NR3C1: variants seen among roughly 807,000 people sequenced by gnomAD.
NR3C1 encodes glucocorticoid receptor.
A neutral mutation model predicts 74.0 loss-of-function variants in NR3C1; 14 were observed. That is an observed-to-expected ratio of 0.19 (90% confidence interval 0.12 to 0.30). The LOEUF is 0.30. NR3C1 is among the 10% of genes least tolerant of loss of function. The pLI, the probability that NR3C1 is intolerant of heterozygous loss-of-function variation, is 1.00. For missense variants in NR3C1, 695 were observed against 909.8 expected, an observed-to-expected ratio of 0.76 and a Z score of 3.04; for synonymous variants, 308 against 332.5, an observed-to-expected ratio of 0.93 and a Z score of 0.80.
In NR3C1 at chr5:143,384,703, A is replaced by G. The variant is rs568662052; in HGVS notation, c.1184+14953T>C. Among the ~76,000 whole-genome samples, 12 of 152,342 alleles carry G rather than the reference A, an allele frequency of 7.9e-5. 2 individuals are homozygous for G. In the South Asian group the frequency reaches 2.5e-3, roughly 32 times the overall value. On this transcript the variant is annotated intron_variant, in intron 2 of 8. Coordinates refer to ENST00000394464, the MANE Select transcript of NR3C1 (RefSeq NM_000176.3). ...AAGGGGTGAGCTCCCAAGGCCTTGG[A>G]CAGCTCTGCCCTGGTGGCTCTGCTG...
At chr5:143,287,954 A>G (rs1814873235) in intron 7 of NR3C1, among the ~76,000 whole-genome samples, 1 of 152,192 alleles carries the variant, frequency 6.6e-6, no homozygotes, top group Non-Finnish European at 1.5e-5. Context: ...AACAGGGACT[A>G]TATGGCCTAC....
intron 2 of NR3C1, among the ~76,000 whole-genome samples, chr5:143,376,465 CTCA>C (rs1399081285): frequency 1.3e-5 from 2 of 152,200 alleles, no homozygotes; most frequent in East Asian, 1.9e-4. Flanking sequence ...TCTCTCTAAG[CTCA>C]TGATAGACCT....
intron 2 of NR3C1, among the ~76,000 whole-genome samples, chr5:143,335,981 C>T (rs1015068931): frequency 1.1e-4 from 16 of 152,196 alleles, no homozygotes; most frequent in Non-Finnish European, 2.2e-4. Flanking sequence ...TCCCCATATT[C>T]GCTTCTAACA....
Position 143,300,679 on chromosome 5 carries a change from T to C in NR3C1, c.1553A>G (p.Lys518Arg), listed in dbSNP as rs1194633956. Residue 518 changes from lysine (K) to arginine (R), a missense_variant, in exon 5 of 9, where the codon AAA (lysine) becomes AGA (arginine). Physicochemically the swap from Lys to Arg is conservative, Grantham distance 26. Around this residue, in one of 4 missense-constraint regions of NR3C1, gnomAD observed 42 missense variants for 49.3 expected, o/e 0.85. Coordinates refer to ENST00000394464, the MANE Select transcript of NR3C1 (RefSeq NM_000176.3). The surrounding 1 kb of genome is among the most constrained non-coding windows in gnomAD (Gnocchi z 5.2). The part of the protein sequence containing the change: ...SQETSENPGN[K>R]TIVPATLPQL... ...TGGTAACGTTGCAGGAACTATTGTT[T>C]TGTTACCAGGATTTTCAGAGGTTTC... is the stretch of plus-strand genomic sequence containing the variant. 1.9e-6 allele frequency: 3 copies of C among 1,614,048 alleles called. No homozygotes were observed. Among genetic ancestry groups the C allele is most frequent in the Non-Finnish European group, 2.5e-6 (3 of 1,180,024 alleles).
At chr5:143,412,550 A>G (rs895471595) in intron 1 of NR3C1, among the ~76,000 whole-genome samples, 2 of 152,042 alleles carry the variant, frequency 1.3e-5, no homozygotes, top group Non-Finnish European at 2.9e-5. Flanking sequence ...TTGCTATGCC[A>G]TAAAGAAGGA....
chr5:143,287,672 T>C (rs1460304162), intron 7 of NR3C1, among the ~76,000 whole-genome samples: 1 of 152,162 alleles, frequency 6.6e-6, no homozygotes, highest in Admixed American at 6.5e-5. Flanking sequence ...ACTACCCTGG[T>C]AGCAAAGCCA....
chr5:143,375,316 A>G (rs140446361), intron 2 of NR3C1, among the ~76,000 whole-genome samples: 1 of 152,350 alleles, frequency 6.6e-6, no homozygotes, highest in Non-Finnish European at 1.5e-5. Flanking sequence ...AAAAATCTGA[A>G]ATAGCCAAGG....
At chr5:143,290,197 G>A (rs544533032) in intron 7 of NR3C1, among the ~76,000 whole-genome samples, 2 of 152,276 alleles carry the variant, frequency 1.3e-5, no homozygotes, top group East Asian at 1.9e-4. Flanking sequence ...TAGCTCCTTC[G>A]GTTTTGTTTT....
At chr5:143,340,269 T>A (rs370563087) in intron 2 of NR3C1, among the ~76,000 whole-genome samples, 1 of 152,090 alleles carries the variant, frequency 6.6e-6, no homozygotes, top group Non-Finnish European at 1.5e-5. Flanking sequence ...AGACTCAATA[T>A]AGACTCAATC....
intron 2 of NR3C1, among the ~76,000 whole-genome samples, chr5:143,316,362 C>T (rs1040002990): frequency 2.0e-5 from 3 of 152,114 alleles, no homozygotes; most frequent in Admixed American, 6.5e-5. Flanking sequence ...TTACAGAAAA[C>T]GAGTGCATTG....
intron 4 of NR3C1, among the ~76,000 whole-genome samples, chr5:143,307,715 A>G (rs1200225432): frequency 1.3e-5 from 2 of 152,350 alleles, no homozygotes; most frequent in South Asian, 2.1e-4. Context: ...AAATAAACCA[A>G]AGGGCACTAA....
intron 2 of NR3C1, among the ~76,000 whole-genome samples, chr5:143,368,470 T>C (rs1322729193): frequency 6.6e-6 from 1 of 152,052 alleles, no homozygotes; most frequent in Admixed American, 6.6e-5. Context: ...CCTCAAATTA[T>C]ATATTTCATA....
At chr5:143,320,136 T>C (rs1287532852) in intron 2 of NR3C1, among the ~76,000 whole-genome samples, 1 of 152,248 alleles carries the variant, frequency 6.6e-6, no homozygotes, top group East Asian at 1.9e-4. Flanking sequence ...TGCCCATTTA[T>C]CTCTGCATTA....
intron 2 of NR3C1, among the ~76,000 whole-genome samples, chr5:143,395,461 C>T (rs1236437905): frequency 6.6e-6 from 1 of 151,698 alleles, no homozygotes; most frequent in Non-Finnish European, 1.5e-5. Flanking sequence ...TTTTCCATGA[C>T]TCAGAAATAT....
intron 2 of NR3C1, among the ~76,000 whole-genome samples, chr5:143,368,707 A>G (rs1337054436): frequency 6.6e-6 from 1 of 152,208 alleles, no homozygotes; most frequent in Non-Finnish European, 1.5e-5. Flanking sequence ...GGGAGACACA[A>G]ATAAAAAACA....
At chr5:143,286,078 G>C (rs575819494) in intron 7 of NR3C1, among the ~76,000 whole-genome samples, 1 of 151,436 alleles carries the variant, frequency 6.6e-6, no homozygotes, top group East Asian at 1.9e-4. Context: ...GGAATATTAT[G>C]AATAACTTAA....
At chr5:143,386,816 T>C (rs1837313146) in intron 2 of NR3C1, among the ~76,000 whole-genome samples, 1 of 152,228 alleles carries the variant, frequency 6.6e-6, no homozygotes. Flanking sequence ...CACTCAGATA[T>C]GCTTTCTTGG....
chr5:143,376,185 T>C (rs2151870611), intron 2 of NR3C1, among the ~76,000 whole-genome samples: 1 of 152,316 alleles, frequency 6.6e-6, no homozygotes, highest in African/African-American at 2.4e-5. Context: ...AAAAAGTTTG[T>C]ATTTCACACA....
intron 2 of NR3C1, among the ~76,000 whole-genome samples, chr5:143,390,534 A>C (rs1561753880): frequency 6.6e-6 from 1 of 152,204 alleles, no homozygotes; most frequent in Non-Finnish European, 1.5e-5. Flanking sequence ...ACACTTATTT[A>C]AAAAATCAGG....
Sources: allele counts gnomAD v4.1 joint callset (sites outside exome capture counted in the v4.1 genomes callset), GRCh38; gene constraint gnomAD v4.1.1; regional missense constraint gnomAD v4.1.1; non-coding constraint Gnocchi (gnomAD v3.1); transcripts MANE v1.5; gene names NCBI Gene and HGNC (gene_info 2026-07-23, HGNC 2026-07-21).